Variants in ARID1B observed in about 807,000 individuals in gnomAD.
ARID1B encodes the protein AT-rich interaction domain 1B.
ARID1B carries 30 observed loss-of-function variants against 212.3 expected under a neutral mutation model. The observed-to-expected ratio is 0.14, with a 90% CI of 0.11 to 0.19. The LOEUF (loss-of-function observed/expected upper bound fraction) is 0.19. Among genes scored for constraint, ARID1B ranks in the 10% least tolerant of loss-of-function variants. The probability of loss-of-function intolerance (pLI) is 1.00; values close to 1 mark genes in which losing one functional copy is unlikely to be tolerated. For missense variants in ARID1B, 2,891 were observed against 3,204.0 expected, an observed-to-expected ratio of 0.90 and a Z score of 2.36; for synonymous variants, 1,402 against 1,301.7, an observed-to-expected ratio of 1.08 and a Z score of -1.66.
chr6:157,040,142 G>A (rs2128522929), intron 4 of ARID1B, among the ~76,000 whole-genome samples: 1 of 152,244 alleles, frequency 6.6e-6, no homozygotes, highest in South Asian at 2.1e-4. Context: ...GTTTCACCAT[G>A]TTGGCCAGGA....
chr6:156,874,624 C>T (rs1439841910), intron 2 of ARID1B, among the ~76,000 whole-genome samples: 5 of 152,218 alleles, frequency 3.3e-5, no homozygotes, highest in Admixed American at 6.5e-5. Context: ...TGTGCTGGCT[C>T]CAGGCCCGTC....
chr6:156,962,995 A>G lies in ARID1B; in HGVS notation c.2247+27419A>G, dbSNP rs190050917. Among the ~76,000 whole-genome samples the G allele has an allele frequency of 3.6e-4, 54 of 151,470 alleles. No individual in the cohort carries two copies. In the East Asian group the frequency reaches 0.01, roughly 28 times the overall value. The stretch of plus-strand genomic sequence containing the variant: ...ACGGGGTTTCACCATTTTGGCCAGG[A>G]TGATCGCTATCTCCTGACCTCGTGA... On this transcript the variant is annotated intron_variant, in intron 4 of 19. Coordinates refer to ENST00000636930, the MANE Select transcript of ARID1B (RefSeq NM_001374828.1).
At chr6:157,064,294 A>T in intron 4 of ARID1B, among the ~76,000 whole-genome samples, 1 of 152,176 alleles carries the variant, frequency 6.6e-6, no homozygotes, top group Admixed American at 6.5e-5. Flanking sequence ...CTTTAAGGTA[A>T]CTTTGCATGT....
At chr6:157,165,390 G>T (rs911107148) in intron 8 of ARID1B, among the ~76,000 whole-genome samples, 4 of 152,180 alleles carry the variant, frequency 2.6e-5, no homozygotes, top group African/African-American at 9.7e-5. Flanking sequence ...AGCCATCATG[G>T]TACATTAGAT....
intron 11 of ARID1B, among the ~76,000 whole-genome samples, chr6:157,178,928 G>C (rs1792310173): frequency 6.6e-6 from 1 of 152,180 alleles, no homozygotes; most frequent in East Asian, 1.9e-4. Flanking sequence ...AGGAACGGCA[G>C]ATGGATCTTA....
At chr6:157,057,771 A>C (rs540984183) in intron 4 of ARID1B, among the ~76,000 whole-genome samples, 2 of 152,200 alleles carry the variant, frequency 1.3e-5, no homozygotes, top group Non-Finnish European at 2.9e-5. Context: ...AAATGTGTCA[A>C]AATTTTAAAA....
chr6:157,102,283 T>A (rs1786098517), intron 5 of ARID1B, among the ~76,000 whole-genome samples: 1 of 152,138 alleles, frequency 6.6e-6, no homozygotes, highest in Non-Finnish European at 1.5e-5. Flanking sequence ...ATCTGATCAG[T>A]AGTTGATCTG....
rs111298517 is a variant in ARID1B, at chr6:156,990,706, G to T, written c.2247+55130G>T. On this transcript the variant is annotated intron_variant, in intron 4 of 19. Transcript: ENST00000636930. ...AGGGTCTCATCTTGTTTTCCAAGCT[G>T]GTCTCAAACTCCTGGCCTCAAGCCA... Among the ~76,000 whole-genome samples, 839 of 152,132 alleles carry T rather than the reference G, an allele frequency of 5.5e-3. 14 individuals carry two copies. Among genetic ancestry groups the T allele is most frequent in the African/African-American group, 0.02 (811 of 41,522 alleles).
chr6:157,173,619 G>A (rs532968147), intron 9 of ARID1B: 83 of 159,454 alleles, frequency 5.2e-4, no homozygotes, highest in Non-Finnish European at 8.9e-4. Context: ...AATCCTCTAG[G>A]ACCTAGGTAG....
intron 3 of ARID1B, among the ~76,000 whole-genome samples, chr6:156,903,031 T>A (rs1220820347): frequency 1.3e-5 from 2 of 152,190 alleles, no homozygotes; most frequent in Non-Finnish European, 2.9e-5. Context: ...CTCATTTGAC[T>A]GTAGTGTGCT....
At chr6:156,928,863 G>A (rs573037017) in intron 3 of ARID1B, among the ~76,000 whole-genome samples, 5 of 152,162 alleles carry the variant, frequency 3.3e-5, no homozygotes, top group Admixed American at 6.5e-5. Flanking sequence ...AGTGTTCCAC[G>A]TATAAACTAC....
intron 4 of ARID1B, among the ~76,000 whole-genome samples, chr6:157,082,193 G>C (rs926543988): frequency 6.6e-6 from 1 of 152,216 alleles, no homozygotes; most frequent in Non-Finnish European, 1.5e-5. Context: ...GTATGGTAAA[G>C]TTATGGTGCA....
chr6:157,103,148 C>A (rs1374371172), intron 5 of ARID1B, among the ~76,000 whole-genome samples: 2 of 152,084 alleles, frequency 1.3e-5, no homozygotes, highest in African/African-American at 2.4e-5. Flanking sequence ...TTGTCTAATC[C>A]TCATCTAGAA....
chr6:156,901,295 G>A, intron 2 of ARID1B, 81 bp from the exon 3 acceptor site: 2 of 1,532,926 alleles, frequency 1.3e-6, no homozygotes, highest in Non-Finnish European at 9.0e-7. Context: ...CCCCCTTCAT[G>A]TTGCTGAATT....
chr6:156,987,791 C>G (rs894669550), intron 4 of ARID1B, among the ~76,000 whole-genome samples: 3 of 152,118 alleles, frequency 2.0e-5, no homozygotes, highest in Non-Finnish European at 4.4e-5. Flanking sequence ...GCCCCATTAG[C>G]CCTTGTTTAT....
intron 4 of ARID1B, among the ~76,000 whole-genome samples, chr6:157,016,648 C>A (rs983124674): frequency 1.2e-4 from 19 of 152,174 alleles, no homozygotes; most frequent in Non-Finnish European, 2.4e-4. Flanking sequence ...TGTGAGTGGC[C>A]CTGCAATGGA....
chr6:157,012,873 T>G (rs1583143828), intron 4 of ARID1B, among the ~76,000 whole-genome samples: 1 of 152,146 alleles, frequency 6.6e-6, no homozygotes, highest in African/African-American at 2.4e-5. Context: ...CATGAGGTTT[T>G]GTTTTGTTTT....
Position 157,200,582 on chromosome 6 carries a change from G to A in ARID1B, c.4480-123G>A. 5 of 1,114,014 alleles carry A rather than the reference G, an allele frequency of 4.5e-6. No individual in the cohort carries two copies. The highest frequency in any genetic ancestry group is 6.3e-6 in the Non-Finnish European group (5 of 796,032). 69.0% of individuals were successfully genotyped at this position (1,114,014 alleles called of 1,614,324 possible). Reference sequence around the variant, plus strand: ...AAATTGTTAGTTCTCTGTTGTTATAGGAGCTTCCCATATTCATTTTGAAAT... The same window carrying A: ...AAATTGTTAGTTCTCTGTTGTTATAAGAGCTTCCCATATTCATTTTGAAAT... On this transcript the variant is annotated intron_variant, in intron 17 of 19. Transcript: ENST00000636930. The surrounding 1 kb of genome is among the most constrained non-coding windows in gnomAD (Gnocchi z 4.3).
intron 4 of ARID1B, among the ~76,000 whole-genome samples, chr6:157,049,447 C>T (rs1401503222): frequency 2.6e-5 from 4 of 152,128 alleles, no homozygotes; most frequent in African/African-American, 7.2e-5. Flanking sequence ...CCCTTGAAAT[C>T]GGCGTAGAGG....
Sources: gnomAD v4.1 joint callset for allele counts (sites outside exome capture counted in the v4.1 genomes callset) on GRCh38, gnomAD v4.1.1 for gene constraint, Gnocchi (gnomAD v3.1) non-coding constraint, MANE v1.5 for transcripts, NCBI Gene and HGNC (gene_info 2026-07-23, HGNC 2026-07-21) for gene names.